MTMR2: variants seen among roughly 807,000 people sequenced by gnomAD.
MTMR2 encodes the protein phosphatidylinositol-3,5-bisphosphate 3-phosphatase MTMR2.
In MTMR2, 55 loss-of-function variants were observed where a neutral mutation model predicts 86.9. That is an observed-to-expected ratio of 0.63 (90% CI 0.51 to 0.79). The LOEUF (loss-of-function observed/expected upper bound fraction) is 0.79. MTMR2 is among the 30% of genes least tolerant of loss of function. The pLI is 0.00. For synonymous variants in MTMR2, 241 were observed against 266.8 expected (o/e 0.90, Z 0.94); for missense variants, 659 against 772.3 (o/e 0.85, Z 1.74).
chr11:95,881,083 T>C (rs957740536), intron 2 of MTMR2, among the ~76,000 whole-genome samples: 4 of 152,090 alleles, frequency 2.6e-5, no homozygotes, highest in African/African-American at 9.7e-5. Flanking sequence ...TTTTAGGTTT[T>C]CAATCTAATG....
At chr11:95,877,363 T>TTTTTA (rs869076328) in intron 2 of MTMR2, among the ~76,000 whole-genome samples, 11 of 142,688 alleles carry the variant, frequency 7.7e-5, no homozygotes, top group South Asian at 4.5e-4. Flanking sequence ...TTTTTTTTTT[T>TTTTTA]ATATAACACA....
chr11:95,842,490 A>C (rs771652136), intron 11 of MTMR2, among the ~76,000 whole-genome samples: 22 of 152,090 alleles, frequency 1.4e-4, no homozygotes, highest in Non-Finnish European at 2.6e-4. Context: ...AACCTGTCAA[A>C]AATGCTTGAC....
intron 7 of MTMR2, among the ~76,000 whole-genome samples, chr11:95,851,001 C>T (rs1220748517): frequency 6.6e-6 from 1 of 151,164 alleles, no homozygotes; most frequent in Admixed American, 6.6e-5. Context: ...TCAGTGTGGA[C>T]CTGTGCTAAG....
chr11:95,867,399 C>G (rs769306894), intron 2 of MTMR2, among the ~76,000 whole-genome samples: 1 of 152,098 alleles, frequency 6.6e-6, no homozygotes, highest in Non-Finnish European at 1.5e-5. Context: ...GAGGGTAGTT[C>G]TGGCAAAGGC....
intron 12 of MTMR2, among the ~76,000 whole-genome samples, chr11:95,838,738 A>G (rs570650226): frequency 6.0e-4 from 92 of 152,140 alleles, no homozygotes; most frequent in Middle Eastern, 3.4e-3. Context: ...TTTTCAGGGA[A>G]CATCCATCCC....
At chr11:95,864,138 G>GT (rs1287181884) in intron 3 of MTMR2, among the ~76,000 whole-genome samples, 1 of 152,158 alleles carries the variant, frequency 6.6e-6, no homozygotes, top group Non-Finnish European at 1.5e-5. Flanking sequence ...AAGGATGTGT[G>GT]TTTAAGATAG....
chr11:95,847,422 C>T (rs1026464826), intron 10 of MTMR2, among the ~76,000 whole-genome samples: 4 of 152,046 alleles, frequency 2.6e-5, no homozygotes, highest in Non-Finnish European at 5.9e-5. Context: ...AGGATGCAAT[C>T]TGGGAAGACC....
chr11:95,860,896 G>A (rs899838818), intron 5 of MTMR2, among the ~76,000 whole-genome samples: 10 of 152,082 alleles, frequency 6.6e-5, no homozygotes, highest in Admixed American at 5.9e-4. Flanking sequence ...GGTGGCTCAC[G>A]CCTGTAATCC....
intron 2 of MTMR2, among the ~76,000 whole-genome samples, chr11:95,886,710 T>A (rs1865524017): frequency 6.6e-6 from 1 of 152,172 alleles, no homozygotes; most frequent in Non-Finnish European, 1.5e-5. Flanking sequence ...AGTCACAATA[T>A]GAGGTTAGTT....
intron 1 of MTMR2, among the ~76,000 whole-genome samples, chr11:95,906,419 C>T (rs1215397776): frequency 6.6e-6 from 1 of 152,134 alleles, no homozygotes; most frequent in African/African-American, 2.4e-5. Flanking sequence ...TAGAGACCTA[C>T]AAAGAGACTT....
chr11:95,848,248 A>G (rs560804736), intron 9 of MTMR2, among the ~76,000 whole-genome samples: 22 of 152,310 alleles, frequency 1.4e-4, no homozygotes, highest in African/African-American at 4.8e-4. Flanking sequence ...TTCCTTTCAT[A>G]TATACTGAAA....
At chr11:95,865,503 G>T in intron 3 of MTMR2, 98 bp downstream of exon 3, 1 of 1,117,750 alleles carries the variant, frequency 8.9e-7, no homozygotes. Context: ...GACAGGAGGT[G>T]TCTCTGACAG....
intron 10 of MTMR2, among the ~76,000 whole-genome samples, chr11:95,847,289 T>TTA (rs1424659451): frequency 6.6e-6 from 1 of 152,154 alleles, no homozygotes; most frequent in East Asian, 1.9e-4. Context: ...TATGTAGGAT[T>TTA]TATCCAGTCT....
At chr11:95,835,612 A>T (rs181175378) in intron 14 of MTMR2, among the ~76,000 whole-genome samples, 161 bp from the exon 15 acceptor site, 1 of 152,160 alleles carries the variant, frequency 6.6e-6, no homozygotes, top group African/African-American at 2.4e-5. Flanking sequence ...GGACACCACT[A>T]ATCTTTTCAC....
At chr11:95,902,967 CTT>C (rs951988862) in intron 1 of MTMR2, among the ~76,000 whole-genome samples, 1 of 152,210 alleles carries the variant, frequency 6.6e-6, no homozygotes, top group Non-Finnish European at 1.5e-5. Context: ...CTCCTTAAGA[CTT>C]TAGCTTCAGG....
chr11:95,897,184 G>A (rs1009465811), intron 1 of MTMR2, among the ~76,000 whole-genome samples: 3 of 152,020 alleles, frequency 2.0e-5, no homozygotes, highest in Admixed American at 1.3e-4. Context: ...GGGACTTAAA[G>A]GTTAAGAATC....
chr11:95,916,740 C>T (rs905564552), intron 1 of MTMR2, among the ~76,000 whole-genome samples: 15 of 151,454 alleles, frequency 9.9e-5, no homozygotes, highest in Non-Finnish European at 2.1e-4. Flanking sequence ...ATATTTAATA[C>T]ACAGCATTTG....
rs140006325 is a variant in MTMR2 at position 95,838,682 on chromosome 11, C to T, written c.1480-475G>A. Among the ~76,000 whole-genome samples, 27 of 152,074 alleles carry T rather than the reference C, an allele frequency of 1.8e-4. No homozygotes were observed. The East Asian group carries it at 4.3e-3, about 24-fold the overall frequency. ...TATTTAGATGGTGCAAAAATAATTG[C>T]GGCTTTTGCCATTGAAATGGCAATT... On this transcript the variant is annotated intron_variant, in intron 12 of 14. Coordinates refer to ENST00000346299, the MANE Select transcript of MTMR2 (RefSeq NM_016156.6).
chr11:95,875,058 C>A (rs1294864508), intron 2 of MTMR2, among the ~76,000 whole-genome samples: 1 of 152,124 alleles, frequency 6.6e-6, no homozygotes, highest in African/African-American at 2.4e-5. Flanking sequence ...TTTGGTGAAT[C>A]TGACAATTAC....
Sources: gnomAD v4.1 joint callset for allele counts (sites outside exome capture counted in the v4.1 genomes callset) on GRCh38, gnomAD v4.1.1 for gene constraint, MANE v1.5 for transcripts, NCBI Gene and HGNC (gene_info 2026-07-23, HGNC 2026-07-21) for gene names.